MED12L: variants seen among roughly 807,000 people sequenced by gnomAD.
MED12L encodes mediator of RNA polymerase II transcription subunit 12-like protein.
In MED12L, 60 loss-of-function variants were observed where a neutral mutation model predicts 281.3. The observed-to-expected ratio is 0.21, with a 90% CI of 0.17 to 0.26. MED12L has a LOEUF of 0.26. Ranked by LOEUF, MED12L falls within the 10% of genes least tolerant of loss-of-function variation. MED12L has a pLI of 1.00. For missense variants in MED12L, 2,146 were observed against 2,680.9 expected (o/e 0.80, Z 4.41); for synonymous variants, 974 against 987.2 (o/e 0.99, Z 0.25).
At chr3:151,343,615 A>G (rs1205516798) in intron 16 of MED12L, among the ~76,000 whole-genome samples, 1 of 148,854 alleles carries the variant, frequency 6.7e-6, no homozygotes, top group African/African-American at 2.5e-5. Flanking sequence ...ATCTCTCATT[A>G]GTAAATAACA....
chr3:151,382,616 A>C, intron 32 of MED12L, 40 bp from the exon 33 acceptor site: 1 of 1,468,690 alleles, frequency 6.8e-7, no homozygotes, highest in Non-Finnish European at 9.4e-7. Flanking sequence ...AAATGAGAGA[A>C]AAATTAAACT....
chr3:151,271,638 T>C (rs536089387), intron 16 of MED12L, among the ~76,000 whole-genome samples: 2 of 152,252 alleles, frequency 1.3e-5, no homozygotes, highest in Non-Finnish European at 1.5e-5. Context: ...GTAAACAAAT[T>C]GTGGTATACT....
At chr3:151,166,128 G>T in intron 11 of MED12L, 146 bp downstream of exon 11, 2 of 625,556 alleles carry the variant, frequency 3.2e-6, no homozygotes, top group Non-Finnish European at 5.2e-6. Context: ...TCTATTGTTG[G>T]ACTAAGATTA....
intron 43 of MED12L, among the ~76,000 whole-genome samples, chr3:151,422,429 G>T (rs763474842): frequency 6.6e-6 from 1 of 152,138 alleles, no homozygotes; most frequent in South Asian, 2.1e-4. Context: ...CTGGTGGCTC[G>T]CTGGGACTCT....
chr3:151,165,371 G>A, intron 9 of MED12L, 49 bp from the exon 10 acceptor site: 2 of 1,453,404 alleles, frequency 1.4e-6, no homozygotes, highest in Middle Eastern at 3.5e-4. Flanking sequence ...ATTTAGACAT[G>A]CGCTGTGGCA....
At chr3:151,152,175 C>T (rs1006761062) in intron 5 of MED12L, among the ~76,000 whole-genome samples, 1 of 136,000 alleles carries the variant, frequency 7.4e-6, no homozygotes, top group Non-Finnish European at 1.5e-5. Flanking sequence ...TCTGGGCTCA[C>T]TGCAGGTTTT....
chr3:151,318,984 C>G (rs1370506216), intron 16 of MED12L, among the ~76,000 whole-genome samples: 1 of 152,134 alleles, frequency 6.6e-6, no homozygotes, highest in Non-Finnish European at 1.5e-5. Context: ...GTGCCCGGGA[C>G]GGTAGCCTAA....
At chr3:151,117,238 A>G (rs564290713) in intron 3 of MED12L, among the ~76,000 whole-genome samples, 4 of 151,760 alleles carry the variant, frequency 2.6e-5, no homozygotes, top group Non-Finnish European at 5.9e-5. Context: ...TTGATGCTCA[A>G]ATTGTTTCAT....
At chr3:151,343,138 G>A (rs765613657) in intron 16 of MED12L, among the ~76,000 whole-genome samples, 6 of 152,112 alleles carry the variant, frequency 3.9e-5, no homozygotes, top group South Asian at 4.1e-4. Flanking sequence ...ATGGTTGTAC[G>A]TCTTTCAATA....
intron 16 of MED12L, chr3:151,248,771 A>T (rs957526520): frequency 1.3e-5 from 2 of 152,170 alleles, no homozygotes; most frequent in African/African-American, 4.8e-5. Context: ...TTAAAAAAAA[A>T]TTTAGGATGT....
In MED12L at chr3:151,434,954, T is replaced by C. The variant is rs1375107240; in HGVS notation, c.*2150T>C. On this transcript the variant is annotated 3_prime_UTR_variant, in exon 45 of 45. Transcript: ENST00000687756. ...GACTCTAATTAATTCCACGATTCTA[T>C]TGAAAGTTGAGGAATGCTGTTTTAC... 2.6e-5 allele frequency: 4 copies of C among 152,104 alleles called. No homozygotes were observed. The highest frequency in any genetic ancestry group is 9.7e-5 in the African/African-American group (4 of 41,422). The allele number at this position is 152,104 out of a possible 1,614,324, so 9.4% of individuals were successfully genotyped here.
chr3:151,413,122 G>T lies in MED12L; in HGVS notation c.6141-17G>T. On this transcript the variant is annotated splice_polypyrimidine_tract_variant and intron_variant, in intron 41 of 44. Coordinates refer to ENST00000687756, the MANE Select transcript of MED12L (RefSeq NM_001393769.1). ...ATTATGCTTGGGCCTGAACCAAGTTGCATTATTCTTTGCCAGACTGAACCA... is the reference window on the plus strand; with the variant it reads ...ATTATGCTTGGGCCTGAACCAAGTTTCATTATTCTTTGCCAGACTGAACCA... 1.2e-6 allele frequency: 2 copies of T among 1,605,934 alleles called. No individual in the cohort carries two copies. Among genetic ancestry groups the T allele is most frequent in the Non-Finnish European group, 1.7e-6 (2 of 1,173,452 alleles).
At chr3:151,243,798 T>G (rs1734759351) in intron 16 of MED12L, among the ~76,000 whole-genome samples, 1 of 151,458 alleles carries the variant, frequency 6.6e-6, no homozygotes, top group South Asian at 2.1e-4. Context: ...GACTAAATGC[T>G]CCAATTAAAC....
chr3:151,120,671 A>G (rs868497382), intron 3 of MED12L, among the ~76,000 whole-genome samples: 10 of 152,244 alleles, frequency 6.6e-5, no homozygotes, highest in Admixed American at 2.6e-4. Context: ...ACATAAGGAA[A>G]CAATGGAAGG....
At position 151,087,102 on chromosome 3, in the gene MED12L, G is replaced by T. The variant is rs1421817352; in HGVS notation, c.99+77G>T. 1.8e-5 allele frequency: 21 copies of T among 1,198,348 alleles called. No individual in the cohort carries two copies. In the South Asian group the frequency reaches 2.9e-4, roughly 17 times the overall value. 74.2% of individuals were successfully genotyped at this position (1,198,348 alleles called of 1,614,324 possible). A position where few individuals can be genotyped will look rare whatever the true frequency, so the allele number is the denominator to read the frequency against. ...GACCCGGGGCCAAGTTGGCCCAGCG[G>T]GCATCGCCGGCGCTGCGGTGGAAGA... On this transcript the variant is annotated intron_variant, in intron 2 of 44. Transcript: ENST00000687756.
intron 16 of MED12L, among the ~76,000 whole-genome samples, chr3:151,341,734 C>T (rs1323908338): frequency 1.3e-5 from 2 of 151,684 alleles, no homozygotes; most frequent in East Asian, 3.9e-4. Context: ...CCCATCCCCC[C>T]ACCCCACAAC....
chr3:151,165,490 C>A lies in MED12L; in HGVS notation c.1328C>A (p.Ser443Ter). The change falls in exon 10 of 45, where the codon TCA becomes TAA. Residue 443 changes from serine (S) to a stop codon, truncating the protein, a stop_gained. Transcript: ENST00000687756. LOFTEE classifies it high-confidence loss of function. ...GGCCGTGCAGTGGAAGTTCGGTGGT[C>A]ATTTGACAAGTGCCAAGAATCCACA... The part of the protein sequence containing the change: ...QRGRAVEVRW[S>*]FDKCQESTAG... 6.2e-7 allele frequency: 1 copy of A among 1,613,702 alleles called. No individual in the cohort carries two copies. The highest frequency in any genetic ancestry group is 1.1e-5 in the South Asian group (1 of 90,990).
At chr3:151,325,774 A>G (rs1282520451) in intron 16 of MED12L, among the ~76,000 whole-genome samples, 1 of 152,210 alleles carries the variant, frequency 6.6e-6, no homozygotes, top group Non-Finnish European at 1.5e-5. Context: ...ACCCACATTA[A>G]GTAGAGATTG....
chr3:151,319,470 T>TGTGC (rs1553777821), intron 16 of MED12L, among the ~76,000 whole-genome samples: 5 of 49,500 alleles, frequency 1.0e-4, no homozygotes, highest in Admixed American at 3.1e-4. Flanking sequence ...TGTGTGTGCG[T>TGTGC]GTGTGTGTGT....
Sources: allele counts gnomAD v4.1 joint callset (sites outside exome capture counted in the v4.1 genomes callset), GRCh38; gene constraint gnomAD v4.1.1; transcripts MANE v1.5; gene names NCBI Gene and HGNC (gene_info 2026-07-23, HGNC 2026-07-21).